The following RAB5B variants were observed in gnomAD, a reference collection of about 807,000 sequenced individuals.
The protein encoded by RAB5B is ras-related protein Rab-5B.
A neutral mutation model predicts 28.6 loss-of-function variants in RAB5B; 11 were observed. That is an observed-to-expected ratio of 0.38 (90% CI 0.24 to 0.64). The LOEUF is 0.64. RAB5B is among the 30% of genes least tolerant of loss of function. RAB5B has a pLI of 0.53. For missense variants in RAB5B, 169 were observed against 265.6 expected (o/e 0.64, Z 2.53); for synonymous variants, 93 against 97.9 (o/e 0.95, Z 0.29).
In RAB5B at chr12:55,996,457, G is replaced by A. The variant is rs754647089; in HGVS notation, c.*4245G>A. On this transcript the variant is annotated 3_prime_UTR_variant, in exon 6 of 6. Coordinates refer to ENST00000360299, the MANE Select transcript of RAB5B (RefSeq NM_002868.4). ...CAACCTTCATACTTCGGGGTGTTAA[G>A]CTGCCATTGCTCTTGTTAAGGGGCA... 1 of 152,128 alleles carries A rather than the reference G, an allele frequency of 6.6e-6. No individual in the cohort carries two copies. Among genetic ancestry groups the A allele is most frequent in the African/African-American group, 2.4e-5 (1 of 41,426 alleles). The allele number at this position is 152,128 out of a possible 1,614,324, so 9.4% of individuals were successfully genotyped here. A position where few individuals can be genotyped will look rare whatever the true frequency, so the allele number is the denominator to read the frequency against.
intron 1 of RAB5B, among the ~76,000 whole-genome samples, chr12:55,982,238 G>C (rs1055203699): frequency 1.6e-5 from 2 of 121,664 alleles, no homozygotes; most frequent in African/African-American, 6.4e-5. Context: ...CACTTGACTG[G>C]TTTACCAAAA....
chr12:55,995,627 A>G lies in RAB5B; in HGVS notation c.*3415A>G, dbSNP rs1251204917. On this transcript the variant is annotated 3_prime_UTR_variant, in exon 6 of 6. Coordinates refer to ENST00000360299, the MANE Select transcript of RAB5B (RefSeq NM_002868.4). Reference sequence around the variant, plus strand: ...TGGTTGCAGTAGGCTTTAAATTCCAAAGAATCTGAAGGTGGATAGGAAAGA... The same window carrying G: ...TGGTTGCAGTAGGCTTTAAATTCCAGAGAATCTGAAGGTGGATAGGAAAGA... The G allele has an allele frequency of 6.6e-6, 1 of 152,110 alleles. No homozygotes were observed. Among genetic ancestry groups the G allele is most frequent in the Non-Finnish European group, 1.5e-5 (1 of 68,026 alleles). 9.4% of individuals were successfully genotyped at this position (152,110 alleles called of 1,614,324 possible).
intron 2 of RAB5B, among the ~76,000 whole-genome samples, chr12:55,988,159 AAACAAC>A (rs372043388): frequency 1.2e-3 from 183 of 151,796 alleles, no homozygotes; most frequent in African/African-American, 3.8e-3. Context: ...CAAAAAAACA[AAACAAC>A]AACAACAACA....
chr12:55,980,906 A>G, intron 1 of RAB5B: 6 of 1,613,570 alleles, frequency 3.7e-6, no homozygotes, highest in Middle Eastern at 1.6e-4. Flanking sequence ...CTTGAAATCA[A>G]TTCCGATGGT....
At chr12:55,979,263 T>G (rs1301509889) in intron 1 of RAB5B, 1 of 152,180 alleles carries the variant, frequency 6.6e-6, no homozygotes, top group Non-Finnish European at 1.5e-5. Flanking sequence ...ATAGGGAGTT[T>G]GTACTACCAT....
At position 55,990,687 on chromosome 12, in the gene RAB5B, C is replaced by T. The variant is rs1890087367; in HGVS notation, c.321C>T (p.Thr107=). 6.2e-7 allele frequency: 1 copy of T among 1,613,496 alleles called. No individual in the cohort carries two copies. The highest frequency in any genetic ancestry group is 1.7e-5 in the Admixed American group (1 of 59,990). ...TTCTCTTCATGTTTTCCTAGGAAAC[C>T]TTTGCCCGAGCAAAGACATGGGTGA... ...IVVYDITNQE[T]FARAKTWVKE... is the part of the protein sequence containing the mutation. Residue 107 remains threonine, a synonymous_variant, in exon 4 of 6, where the codon ACC becomes ACT. Transcript: ENST00000360299.
intron 2 of RAB5B, among the ~76,000 whole-genome samples, chr12:55,988,189 G>A (rs185070758): frequency 4.6e-5 from 7 of 151,916 alleles, no homozygotes; most frequent in African/African-American, 9.7e-5. Flanking sequence ...AAGATTAGCC[G>A]GGCATGGTGG....
chr12:55,989,882 G>A, intron 2 of RAB5B, 65 bp from the exon 3 acceptor site: 1 of 1,524,672 alleles, frequency 6.6e-7, no homozygotes, highest in Non-Finnish European at 9.1e-7. Flanking sequence ...TTTTGAAGGG[G>A]GGGAGGGATG....
At position 55,987,032 on chromosome 12, in the gene RAB5B, C is replaced by T. The variant is rs1889971840; in HGVS notation, c.72C>T (p.Val24=). 6.8e-6 allele frequency: 11 copies of T among 1,613,610 alleles called. No homozygotes were observed. The highest frequency in any genetic ancestry group is 8.5e-6 in the Non-Finnish European group (10 of 1,179,922). ...QASKICQFKL[V]LLGESAVGKS... ...GCAAAATTTGCCAGTTCAAATTGGT[C>T]CTGCTGGGAGAATCTGCAGTGGGAA... The change falls in exon 2 of 6, where the codon GTC becomes GTT. Residue 24 remains valine (V), a synonymous_variant. Transcript: ENST00000360299.
Position 55,986,910 on chromosome 12 carries a change from C to CCCCTT in RAB5B, c.-50_-49insCCTTC. 1 of 652,922 alleles carries CCCCTT rather than the reference C, an allele frequency of 1.5e-6. No homozygotes were observed. Among genetic ancestry groups the CCCCTT allele is most frequent in the Non-Finnish European group, 2.8e-6 (1 of 355,722 alleles). The allele number at this position is 652,922 out of a possible 1,614,324, so 40.4% of individuals were successfully genotyped here. A position where few individuals can be genotyped will look rare whatever the true frequency, so the allele number is the denominator to read the frequency against. ...AAATCCCCTCCCCTTCCCCCTCCCC[C>CCCCTT]CTTTACAGTATCCCCCTCCCTCCAC... On this transcript the variant is annotated 5_prime_UTR_variant, in exon 2 of 6. Transcript: ENST00000360299.
intron 3 of RAB5B, 148 bp from the exon 4 acceptor site, chr12:55,990,534 A>G: frequency 8.9e-7 from 1 of 1,121,058 alleles, no homozygotes; most frequent in South Asian, 1.5e-5. Context: ...TCCAAGTGCT[A>G]AGAAGACAGA....
chr12:55,985,034 A>G (rs1889915546), intron 1 of RAB5B, among the ~76,000 whole-genome samples: 2 of 152,224 alleles, frequency 1.3e-5, no homozygotes, highest in Admixed American at 6.5e-5. Context: ...AGTTATTTAT[A>G]TGCATTATCT....
rs772920 is a variant in RAB5B, at chr12:55,996,580, C to A, written c.*4368C>A. ...GCAACCTCGAACTCCTGGGCTTAAG[C>A]GATCCTCCCGCCTCAGCCTCCCGAG... On this transcript the variant is annotated 3_prime_UTR_variant, in exon 6 of 6. Coordinates refer to ENST00000360299, the MANE Select transcript of RAB5B (RefSeq NM_002868.4). The A allele has an allele frequency of 6.6e-6, 1 of 152,060 alleles. No homozygotes were observed. The highest frequency in any genetic ancestry group is 2.1e-4 in the South Asian group (1 of 4,814). The allele number at this position is 152,060 out of a possible 1,614,324, so 9.4% of individuals were successfully genotyped here.
intron 1 of RAB5B, among the ~76,000 whole-genome samples, chr12:55,981,655 T>G (rs373160130): frequency 6.6e-6 from 1 of 152,054 alleles, no homozygotes; most frequent in East Asian, 1.9e-4. Context: ...TTTACTGTTA[T>G]GCCTACTTTG....
chr12:55,987,168 T>C (rs953219939), intron 2 of RAB5B, 45 bp downstream of exon 2: 1 of 1,281,720 alleles, frequency 7.8e-7, no homozygotes, highest in Admixed American at 2.5e-5. Flanking sequence ...TGGTAAGGGT[T>C]TTTTTTTTTT....
At chr12:55,991,187 C>T in intron 4 of RAB5B, 173 bp from the exon 5 acceptor site, 1 of 584,104 alleles carries the variant, frequency 1.7e-6, no homozygotes, top group Middle Eastern at 4.1e-4. Flanking sequence ...GACATGGGGT[C>T]ATCTTGAGGG....
intron 4 of RAB5B, chr12:55,991,154 A>G: frequency 1.8e-6 from 1 of 561,358 alleles, no homozygotes. Flanking sequence ...AAGCTTTCTG[A>G]CATTTGTGTG....
intron 1 of RAB5B, among the ~76,000 whole-genome samples, chr12:55,981,806 C>CTTTTTTTTTTTTT (rs760479306): frequency 7.1e-6 from 1 of 141,256 alleles, no homozygotes; most frequent in African/African-American, 2.6e-5. Flanking sequence ...AGCCGTACTT[C>CTTTTTTTTTTTTT]TTTTTTTTTT....
In RAB5B at chr12:55,985,938, C is replaced by G. The variant is rs552859619; in HGVS notation, c.-92-931C>G. Among the ~76,000 whole-genome samples the G allele has an allele frequency of 2.2e-4, 33 of 152,264 alleles. No homozygotes were observed. The South Asian group carries it at 6.8e-3, about 32-fold the overall frequency. On this transcript the variant is annotated intron_variant, in intron 1 of 5. Coordinates refer to ENST00000360299, the MANE Select transcript of RAB5B (RefSeq NM_002868.4). ...ACAAAGAGTTGATAATGAATGTGAT[C>G]TGTTGGTTGTATTTCTCTCTTTACC...
Sources: gnomAD v4.1 joint callset for allele counts (sites outside exome capture counted in the v4.1 genomes callset) on GRCh38, gnomAD v4.1.1 for gene constraint, MANE v1.5 for transcripts, NCBI Gene and HGNC (gene_info 2026-07-23, HGNC 2026-07-21) for gene names.